TENM1: variants seen among roughly 807,000 people sequenced by gnomAD.
The protein encoded by TENM1 is teneurin transmembrane protein 1, also known as teneurin-1.
In TENM1, 35 loss-of-function variants were observed where a neutral mutation model predicts 174.8. The observed-to-expected ratio is 0.20, with a 90% CI of 0.15 to 0.27. The LOEUF is 0.27. TENM1 is among the 10% of genes least tolerant of loss of function. The pLI, the probability that TENM1 is intolerant of heterozygous loss-of-function variation, is 1.00. For missense variants in TENM1, 1,633 were observed against 2,130.1 expected, an observed-to-expected ratio of 0.77 and a Z score of 4.59; for synonymous variants, 781 against 798.7, an observed-to-expected ratio of 0.98 and a Z score of 0.37.
At chrX:124,547,200 C>A (rs1226342122) in intron 14 of TENM1, 110 bp from the exon 18 acceptor site, 6 of 597,777 alleles carry the variant, frequency 1.0e-5, no homozygotes, top group Non-Finnish European at 1.5e-5. Flanking sequence ...AGATAATCAA[C>A]CTTGTTTTGA....
chrX:125,108,803 C>T, the TENM1 span, among the ~76,000 whole-genome samples: 2 of 109,583 alleles, frequency 1.8e-5, no homozygotes, highest in Non-Finnish European at 3.8e-5. Context: ...TAGCATTTTA[C>T]GCAGTGCCTA....
At chrX:125,035,489 A>G in the TENM1 span, among the ~76,000 whole-genome samples, 3 of 111,625 alleles carry the variant, frequency 2.7e-5, no homozygotes, top group African/African-American at 9.8e-5. Context: ...GGTGTTGAAT[A>G]TAACTAGTGA....
At chrX:124,963,006 C>G (rs937001774) in intron 1 of TENM1, among the ~76,000 whole-genome samples, 6 of 112,012 alleles carry the variant, frequency 5.4e-5, no homozygotes, top group Non-Finnish European at 1.1e-4. Flanking sequence ...GAAACTAAGA[C>G]TGCCCAAAGA....
chrX:124,943,071 C>T (rs1372249343), intron 1 of TENM1, among the ~76,000 whole-genome samples: 1 of 111,424 alleles, frequency 9.0e-6, no homozygotes, highest in African/African-American at 3.3e-5. Flanking sequence ...CTGTACATTT[C>T]AAATTATTTT....
chrX:125,118,446 G>T, the TENM1 span, among the ~76,000 whole-genome samples: 1 of 111,873 alleles, frequency 8.9e-6, no homozygotes, highest in Non-Finnish European at 1.9e-5. Flanking sequence ...AAGATTAAAA[G>T]TTTTTGTCTG....
intron 3 of TENM1, among the ~76,000 whole-genome samples, chrX:124,848,123 A>T (rs1430693384): frequency 9.0e-6 from 1 of 110,630 alleles, no homozygotes; most frequent in Non-Finnish European, 1.9e-5. Flanking sequence ...TATACTTCTA[A>T]AATGTTCACT....
rs777593604 is a variant in TENM1 at position 124,569,344 on chromosome X, T to C, written c.2078-3784A>G. 3.6e-5 allele frequency among the ~76,000 whole-genome samples: 4 copies of C among 112,089 alleles called. No individual in the cohort carries two copies. The East Asian group carries it at 1.1e-3, about 31-fold the overall frequency. ...ACAGCCCCCCTCTCACACCAACTGA[T>C]AGAGCAAGCAAACAAATCAGAAAGA... is the stretch of plus-strand genomic sequence containing the variant. On this transcript the variant is annotated intron_variant, in intron 11 of 31. Coordinates refer to ENST00000422452, the Ensembl canonical transcript of TENM1.
chrX:124,700,550 C>T (rs774899441), intron 5 of TENM1, among the ~76,000 whole-genome samples: 6 of 111,365 alleles, frequency 5.4e-5, no homozygotes, highest in Admixed American at 1.9e-4. Context: ...GATGAGGAAA[C>T]GTAGGCACAG....
intron 11 of TENM1, among the ~76,000 whole-genome samples, chrX:124,615,444 T>C (rs2050377140): frequency 9.2e-6 from 1 of 108,582 alleles, no homozygotes; most frequent in African/African-American, 3.6e-5. Flanking sequence ...TTTCCTGATC[T>C]GTCAATTGTG....
chrX:124,486,472 G>A (rs1489419391), intron 21 of TENM1, among the ~76,000 whole-genome samples: 1 of 112,103 alleles, frequency 8.9e-6, no homozygotes, highest in Non-Finnish European at 1.9e-5. Flanking sequence ...CTGGCATTTA[G>A]GAAGTGGCAT....
intron 11 of TENM1, among the ~76,000 whole-genome samples, chrX:124,593,064 C>G (rs891326386): frequency 9.0e-6 from 1 of 111,390 alleles, no homozygotes; most frequent in African/African-American, 3.3e-5. Flanking sequence ...CTCTGCTCAG[C>G]CCTAGGGTTG....
chrX:124,690,484 AGTGTGTGTGTGTGTGTGTGT>A (rs58386633), intron 5 of TENM1, among the ~76,000 whole-genome samples: 6 of 93,485 alleles, frequency 6.4e-5, no homozygotes, highest in Admixed American at 4.8e-4. Context: ...GCTTTGTTAG[AGTGTGTGTGTGTGTGTGTGT>A]GTGTGTGTGT....
intron 5 of TENM1, among the ~76,000 whole-genome samples, chrX:124,682,845 T>C (rs768366943): frequency 2.7e-4 from 30 of 110,889 alleles, no homozygotes; most frequent in African/African-American, 9.2e-4. Flanking sequence ...TTATAGACCA[T>C]GGGAAGATAG....
rs756352275 is a variant in TENM1 at position 124,630,190 on chromosome X, T to A, written c.2077+11601A>T. Among the ~76,000 whole-genome samples, 5 of 112,657 alleles carry A rather than the reference T, an allele frequency of 4.4e-5. No individual in the cohort carries two copies. In the East Asian group the frequency reaches 1.4e-3, roughly 31 times the overall value. ...AACTTTCATTGCTTGATATGCAGAA[T>A]TCAATTTAAAAAATGAATGAACCTT... On this transcript the variant is annotated intron_variant, in intron 11 of 31. Transcript: ENST00000422452.
At chrX:125,025,287 G>T in the TENM1 span, among the ~76,000 whole-genome samples, 472 of 110,647 alleles carry the variant, frequency 4.3e-3, 3 homozygotes, top group African/African-American at 0.015. Flanking sequence ...GTGCGGTTTG[G>T]CTGGGAAGTG....
chrX:124,854,334 T>C (rs748481799), intron 3 of TENM1, among the ~76,000 whole-genome samples: 1 of 110,843 alleles, frequency 9.0e-6, no homozygotes, highest in South Asian at 3.8e-4. Flanking sequence ...AATGATATAA[T>C]GGACTTTGGG....
Position 124,902,325 on chromosome X carries a change from T to C in TENM1, c.218-6084A>G, listed in dbSNP as rs1351441284. Among the ~76,000 whole-genome samples, 7 of 112,162 alleles carry C rather than the reference T, an allele frequency of 6.2e-5. No individual in the cohort carries two copies. In the Admixed American group the frequency reaches 6.6e-4, roughly 11 times the overall value. On this transcript the variant is annotated intron_variant, in intron 1 of 31. Transcript: ENST00000422452. The stretch of plus-strand genomic sequence containing the variant: ...TTATAATTCCTGCTATATTAAAGTA[T>C]TGATACAGCCTATGTACCTACTATG...
At chrX:124,482,014 C>A in intron 21 of TENM1, 50 bp from the exon 25 acceptor site, 1 of 824,975 alleles carries the variant, frequency 1.2e-6, no homozygotes. Flanking sequence ...CAACACGAAC[C>A]CCCTGGGCTC....
chrX:125,032,695 C>T, the TENM1 span, among the ~76,000 whole-genome samples: 8 of 111,257 alleles, frequency 7.2e-5, no homozygotes, highest in African/African-American at 2.0e-4. Flanking sequence ...TTTAATTTTG[C>T]TGCCCTTATT....
Sources: allele counts gnomAD v4.1 joint callset (sites outside exome capture counted in the v4.1 genomes callset), GRCh38; gene constraint gnomAD v4.1.1; transcripts MANE v1.5; gene names NCBI Gene and HGNC (gene_info 2026-07-23, HGNC 2026-07-21).